SLC35F4: variants seen among roughly 807,000 people sequenced by gnomAD.
The protein encoded by SLC35F4 is solute carrier family 35 member F4, also known as chromosome 14 open reading frame 36.
Under a neutral mutation model 44.2 loss-of-function variants are expected in SLC35F4, and 24 were observed. The ratio of observed to expected loss-of-function variants is 0.54; its 90% CI spans 0.39 to 0.76. SLC35F4 has a LOEUF of 0.76. Among genes scored for constraint, SLC35F4 ranks in the 30% least tolerant of loss-of-function variants. The pLI, the probability that SLC35F4 is intolerant of heterozygous loss-of-function variation, is 0.00. For synonymous variants in SLC35F4, 238 were observed against 223.6 expected (o/e 1.06, Z -0.57); for missense variants, 562 against 586.1 (o/e 0.96, Z 0.42).
intron 1 of SLC35F4, among the ~76,000 whole-genome samples, chr14:57,902,892 A>G (rs1192589766): frequency 6.6e-6 from 1 of 152,154 alleles, no homozygotes; most frequent in South Asian, 2.1e-4. Flanking sequence ...GTCTTCTTAA[A>G]TGGGACCCCA....
intron 1 of SLC35F4, among the ~76,000 whole-genome samples, chr14:57,739,094 C>A (rs2076540992): frequency 6.6e-6 from 1 of 152,138 alleles, no homozygotes; most frequent in African/African-American, 2.4e-5. Flanking sequence ...TGGGAACATT[C>A]ATGGCTTATG....
intron 1 of SLC35F4, among the ~76,000 whole-genome samples, chr14:57,963,842 T>C (rs1056344160): frequency 6.7e-6 from 1 of 149,712 alleles, no homozygotes; most frequent in African/African-American, 2.5e-5. Context: ...CACACTTCAG[T>C]CTCACATGTA....
intron 1 of SLC35F4, among the ~76,000 whole-genome samples, chr14:57,786,576 G>A (rs189872904): frequency 3.9e-5 from 6 of 152,130 alleles, no homozygotes; most frequent in African/African-American, 1.2e-4. Context: ...GTCCATAGAT[G>A]GTTCACATCA....
chr14:57,644,325 T>C (rs1278040804), intron 1 of SLC35F4, among the ~76,000 whole-genome samples: 1 of 152,218 alleles, frequency 6.6e-6, no homozygotes, highest in Non-Finnish European at 1.5e-5. Flanking sequence ...TAGTGTGAGA[T>C]GGTATCTCAC....
At chr14:57,783,257 T>G (rs773944789) in intron 1 of SLC35F4, among the ~76,000 whole-genome samples, 80 of 145,060 alleles carry the variant, frequency 5.5e-4, no homozygotes, top group Non-Finnish European at 2.7e-4. Flanking sequence ...CAAAGGATGG[T>G]TTAACAATTT....
intron 1 of SLC35F4, among the ~76,000 whole-genome samples, chr14:57,751,989 A>T (rs1362035832): frequency 6.7e-6 from 1 of 149,900 alleles, no homozygotes; most frequent in East Asian, 2.0e-4. Context: ...GTGATTCATT[A>T]TTTTTTCCAA....
chr14:57,727,838 G>C (rs1744414329), intron 1 of SLC35F4, among the ~76,000 whole-genome samples: 1 of 152,134 alleles, frequency 6.6e-6, no homozygotes, highest in Non-Finnish European at 1.5e-5. Flanking sequence ...ATGTGCTGAG[G>C]AGGAAATCAT....
intron 1 of SLC35F4, among the ~76,000 whole-genome samples, chr14:57,675,546 C>G (rs918781053): frequency 1.3e-5 from 2 of 151,992 alleles, no homozygotes; most frequent in Non-Finnish European, 2.9e-5. Flanking sequence ...ACTTCCAGTA[C>G]TATGTTGACT....
chr14:57,838,388 G>A (rs1393673726), intron 1 of SLC35F4, among the ~76,000 whole-genome samples: 1 of 152,154 alleles, frequency 6.6e-6, no homozygotes, highest in African/African-American at 2.4e-5. Context: ...CTAGTCAGGG[G>A]CCAGCAATAC....
intron 1 of SLC35F4, among the ~76,000 whole-genome samples, chr14:57,852,323 G>C (rs79088007): frequency 0.032 from 4,810 of 152,256 alleles, 282 homozygotes; most frequent in African/African-American, 0.11. Flanking sequence ...ATGAATGAAA[G>C]AGCCTGGAAC....
intron 1 of SLC35F4, among the ~76,000 whole-genome samples, chr14:57,783,879 C>T (rs2077691051): frequency 6.6e-6 from 1 of 152,082 alleles, no homozygotes; most frequent in South Asian, 2.1e-4. Context: ...ATTGTCAACA[C>T]TATGGAAGAG....
chr14:57,800,102 G>T (rs1049667067), intron 1 of SLC35F4, among the ~76,000 whole-genome samples: 1 of 152,170 alleles, frequency 6.6e-6, no homozygotes, highest in African/African-American at 2.4e-5. Context: ...CTACAGGCAC[G>T]TTTGGGCCGG....
At chr14:57,893,967 A>G (rs1595273206) in intron 1 of SLC35F4, among the ~76,000 whole-genome samples, 2 of 152,286 alleles carry the variant, frequency 1.3e-5, no homozygotes, top group East Asian at 3.9e-4. Context: ...TTTTAAATTC[A>G]GATAACTGAA....
chr14:57,775,745 T>C (rs1014524110), intron 1 of SLC35F4, among the ~76,000 whole-genome samples: 1 of 152,238 alleles, frequency 6.6e-6, no homozygotes, highest in Non-Finnish European at 1.5e-5. Context: ...CCAGAGTGTC[T>C]TCTTTTCTCC....
chr14:57,953,412 G>A (rs1890177368), intron 1 of SLC35F4, among the ~76,000 whole-genome samples: 1 of 152,038 alleles, frequency 6.6e-6, no homozygotes, highest in Non-Finnish European at 1.5e-5. Context: ...ATAATGACAG[G>A]ATCAAATTCA....
At chr14:57,956,205 A>G (rs1304675687) in intron 1 of SLC35F4, among the ~76,000 whole-genome samples, 1 of 152,240 alleles carries the variant, frequency 6.6e-6, no homozygotes, top group African/African-American at 2.4e-5. Flanking sequence ...TTCCCTATTT[A>G]ATAAATGGTG....
intron 1 of SLC35F4, among the ~76,000 whole-genome samples, chr14:57,773,710 T>C (rs2077423570): frequency 6.6e-6 from 1 of 151,142 alleles, no homozygotes; most frequent in Non-Finnish European, 1.5e-5. Context: ...AACATGAAAA[T>C]AATTAACAGT....
intron 1 of SLC35F4, among the ~76,000 whole-genome samples, chr14:57,792,089 G>A (rs762025734): frequency 3.3e-5 from 5 of 151,792 alleles, no homozygotes; most frequent in African/African-American, 4.8e-5. Context: ...TTCTGCACAT[G>A]TATCCCAGAA....
At chr14:57,586,973 A>AAAAGTGGGCAAAGGATATGAACAG (rs61106122) in intron 3 of SLC35F4, among the ~76,000 whole-genome samples, 3 of 147,808 alleles carry the variant, frequency 2.0e-5, no homozygotes, top group Admixed American at 1.3e-4. Context: ...AAAACCAACA[A>AAAAGTGGGCAAAGGATATGAACAG]ACACTTCTCA....
Sources: allele counts gnomAD v4.1 joint callset (sites outside exome capture counted in the v4.1 genomes callset), GRCh38; gene constraint gnomAD v4.1.1; transcripts MANE v1.5; gene names NCBI Gene and HGNC (gene_info 2026-07-23, HGNC 2026-07-21).